Variants in AK4 observed in about 807,000 individuals in gnomAD.
AK4 encodes adenylate kinase 4, mitochondrial.
A neutral mutation model predicts 24.6 loss-of-function variants in AK4; 13 were observed. That is an observed-to-expected ratio of 0.53 (90% CI 0.34 to 0.84). The LOEUF (loss-of-function observed/expected upper bound fraction) is 0.84. Ranked by LOEUF, AK4 falls within the 40% of genes least tolerant of loss-of-function variation. The probability of loss-of-function intolerance (pLI) is 0.01; values close to 1 mark genes in which losing one functional copy is unlikely to be tolerated. For synonymous variants in AK4, 88 were observed against 107.0 expected, an observed-to-expected ratio of 0.82 and a Z score of 1.10; for missense variants, 192 against 288.2, an observed-to-expected ratio of 0.67 and a Z score of 2.42.
chr1:65,209,964 T>C (rs927504425), intron 2 of AK4, among the ~76,000 whole-genome samples: 5 of 152,088 alleles, frequency 3.3e-5, no homozygotes, highest in Non-Finnish European at 7.4e-5. Flanking sequence ...TATACCACCA[T>C]GCCTGGCTAA....
Position 65,226,243 on chromosome 1 carries a change from T to A in AK4, c.*66T>A. On this transcript the variant is annotated 3_prime_UTR_variant, in exon 5 of 5. Transcript: ENST00000327299. ...TCAATAGTGTGTGTAGTATTGGTGC[T>A]GTGTCCAAATTAGAAGCTAGCTGAG... 7.6e-7 allele frequency: 1 copy of A among 1,313,236 alleles called. No homozygotes were observed. The highest frequency in any genetic ancestry group is 1.0e-6 in the Non-Finnish European group (1 of 964,114). 81.3% of individuals were successfully genotyped at this position (1,313,236 alleles called of 1,614,324 possible). A position where few individuals can be genotyped will look rare whatever the true frequency, so the allele number is the denominator to read the frequency against.
Position 65,228,597 on chromosome 1 carries a change from A to T in AK4, c.*2420A>T, listed in dbSNP as rs534481672. On this transcript the variant is annotated 3_prime_UTR_variant, in exon 5 of 5. Transcript: ENST00000327299. ...TATTTCGTGGTCAATGGCTTTAAAA[A>T]AATCTGTTTCTTGTTTTCTTCAACA... The T allele has an allele frequency of 2.0e-5, 3 of 152,314 alleles. No individual in the cohort carries two copies. Among genetic ancestry groups the T allele is most frequent in the Admixed American group, 2.0e-4 (3 of 15,298 alleles). The allele number at this position is 152,314 out of a possible 1,614,324, so 9.4% of individuals were successfully genotyped here. A position where few individuals can be genotyped will look rare whatever the true frequency, so the allele number is the denominator to read the frequency against.
At chr1:65,152,333 T>C (rs1484568565) in intron 1 of AK4, among the ~76,000 whole-genome samples, 1 of 37,972 alleles carries the variant, frequency 2.6e-5, no homozygotes, top group Non-Finnish European at 4.9e-5. Flanking sequence ...TCTCTCTCTC[T>C]CTCTCTCTCT....
At chr1:65,189,672 C>G (rs1396869776) in intron 1 of AK4, among the ~76,000 whole-genome samples, 1 of 139,622 alleles carries the variant, frequency 7.2e-6, no homozygotes, top group African/African-American at 2.8e-5. Context: ...CACACACACA[C>G]ACACACCCCA....
chr1:65,189,991 T>C (rs1381978886), intron 1 of AK4, among the ~76,000 whole-genome samples: 2 of 152,190 alleles, frequency 1.3e-5, no homozygotes, highest in African/African-American at 4.8e-5. Context: ...TGGAACTTTT[T>C]TTCCTTTGGT....
intron 2 of AK4, among the ~76,000 whole-genome samples, chr1:65,195,613 C>T (rs1391046658): frequency 3.3e-5 from 5 of 152,270 alleles, no homozygotes; most frequent in East Asian, 1.9e-4. Context: ...CTTGAATCCC[C>T]GCTCTGCCAC....
In AK4 at chr1:65,229,021, A is replaced by G. The variant is rs1284036964; in HGVS notation, c.*2844A>G. The G allele has an allele frequency of 6.6e-6, 1 of 152,166 alleles. No homozygotes were observed. Among genetic ancestry groups the G allele is most frequent in the Non-Finnish European group, 1.5e-5 (1 of 68,036 alleles). The allele number at this position is 152,166 out of a possible 1,614,324, so 9.4% of individuals were successfully genotyped here. A position where few individuals can be genotyped will look rare whatever the true frequency, so the allele number is the denominator to read the frequency against. ...AAACATCTCATTTAATCTTTCTAGC[A>G]TCCTGTGAAACAGCCATGATTTCAC... On this transcript the variant is annotated 3_prime_UTR_variant, in exon 5 of 5. Transcript: ENST00000327299.
In AK4 at chr1:65,166,259, C is replaced by T. The variant is rs939452995; in HGVS notation, c.145+17707C>T. 2.8e-4 allele frequency among the ~76,000 whole-genome samples: 43 copies of T among 150,882 alleles called. 1 individual carries two copies. The highest frequency in any genetic ancestry group is 9.7e-4 in the African/African-American group (40 of 41,108). On this transcript the variant is annotated intron_variant, in intron 1 of 4. Coordinates refer to ENST00000327299, the MANE Select transcript of AK4 (RefSeq NM_013410.4). ...ATGCTTTGATTTCATTTATAATCTT[C>T]CTTAGTGAATGTGGTGCTTTGAATG... is the stretch of plus-strand genomic sequence containing the variant.
chr1:65,166,609 A>G lies in AK4; in HGVS notation c.145+18057A>G, dbSNP rs187552446. On this transcript the variant is annotated intron_variant, in intron 1 of 4. Transcript: ENST00000327299. Reference sequence around the variant, plus strand: ...GTGATCAAGGCTCACCGCAGCTTCAACCTCCCAGACTCTAGCAATCCTCCC... The same window carrying G: ...GTGATCAAGGCTCACCGCAGCTTCAGCCTCCCAGACTCTAGCAATCCTCCC... Among the ~76,000 whole-genome samples, 27 of 152,042 alleles carry G rather than the reference A, an allele frequency of 1.8e-4. 1 individual carries two copies. Among genetic ancestry groups the G allele is most frequent in the Admixed American group, 8.5e-4 (13 of 15,270 alleles).
chr1:65,179,605 C>T (rs143087592), intron 1 of AK4, among the ~76,000 whole-genome samples: 128 of 151,942 alleles, frequency 8.4e-4, no homozygotes, highest in African/African-American at 2.4e-3. Context: ...TTGGGAGGCC[C>T]GGGCAGGAGG....
chr1:65,155,067 T>C (rs1649933174), intron 1 of AK4, among the ~76,000 whole-genome samples: 1 of 146,520 alleles, frequency 6.8e-6, no homozygotes, highest in South Asian at 2.4e-4. Flanking sequence ...GCCAGGCTGG[T>C]CTCGAACTCC....
intron 2 of AK4, among the ~76,000 whole-genome samples, chr1:65,216,665 G>T: frequency 7.5e-6 from 1 of 132,572 alleles, no homozygotes; most frequent in South Asian, 2.2e-4. Context: ...CTTTCTCTCT[G>T]TCTTCCTTTT....
intron 2 of AK4, among the ~76,000 whole-genome samples, chr1:65,193,713 A>T (rs1651380684): frequency 6.6e-6 from 1 of 152,240 alleles, no homozygotes; most frequent in Admixed American, 6.5e-5. Context: ...GGGTATGAAA[A>T]GTCAGTCCTC....
At chr1:65,217,961 A>T (rs1570141614) in intron 2 of AK4, among the ~76,000 whole-genome samples, 1 of 152,338 alleles carries the variant, frequency 6.6e-6, no homozygotes, top group African/African-American at 2.4e-5. Context: ...GTGTGAAATG[A>T]TTACCACAGT....
Position 65,197,098 on chromosome 1 carries a change from C to T in AK4, c.265+6269C>T, listed in dbSNP as rs117641861. Among the ~76,000 whole-genome samples the T allele has an allele frequency of 6.0e-4, 91 of 152,320 alleles. 1 individual carries two copies. In the East Asian group the frequency reaches 0.017, roughly 29 times the overall value. On this transcript the variant is annotated intron_variant, in intron 2 of 4. Transcript: ENST00000327299. ...ACCTCCTACCAGGTTCATCCCATGA[C>T]ACGTGGGAATTGTGGGAGCTACAGT...
Position 65,226,704 on chromosome 1 carries a change from G to A in AK4, c.*527G>A, listed in dbSNP as rs1268660522. The A allele has an allele frequency of 6.6e-6, 1 of 152,538 alleles. No individual in the cohort carries two copies. The highest frequency in any genetic ancestry group is 1.9e-4 in the East Asian group (1 of 5,168). The allele number at this position is 152,538 out of a possible 1,614,324, so 9.4% of individuals were successfully genotyped here. A position where few individuals can be genotyped will look rare whatever the true frequency, so the allele number is the denominator to read the frequency against. On this transcript the variant is annotated 3_prime_UTR_variant, in exon 5 of 5. Transcript: ENST00000327299. Reference sequence around the variant, plus strand: ...GTTGTTTCTCTGGTCTTGAGTGACTGTGTCCACAGTTCATTTTTTTCCGGT... The same window carrying A: ...GTTGTTTCTCTGGTCTTGAGTGACTATGTCCACAGTTCATTTTTTTCCGGT...
At chr1:65,207,279 C>T (rs993383677) in intron 2 of AK4, among the ~76,000 whole-genome samples, 5 of 152,236 alleles carry the variant, frequency 3.3e-5, no homozygotes, top group Middle Eastern at 3.4e-3. Context: ...TGCAGTGGCA[C>T]GATCACAGCT....
chr1:65,195,999 C>G (rs539774147), intron 2 of AK4, among the ~76,000 whole-genome samples: 1 of 152,130 alleles, frequency 6.6e-6, no homozygotes, highest in Non-Finnish European at 1.5e-5. Context: ...GTCATCCTCC[C>G]AAGTGATTTG....
chr1:65,200,858 G>A (rs934433175), intron 2 of AK4, among the ~76,000 whole-genome samples: 1 of 151,482 alleles, frequency 6.6e-6, no homozygotes, highest in Non-Finnish European at 1.5e-5. Context: ...GCAATGGCGC[G>A]ATCTTGGCTC....
Sources: gnomAD v4.1 joint callset for allele counts (sites outside exome capture counted in the v4.1 genomes callset) on GRCh38, gnomAD v4.1.1 for gene constraint, MANE v1.5 for transcripts, NCBI Gene and HGNC (gene_info 2026-07-23, HGNC 2026-07-21) for gene names.